The following EML6 variants were observed in gnomAD, a reference collection of about 807,000 sequenced individuals.
EML6 encodes echinoderm microtubule-associated protein-like 6.
EML6 carries 154 observed loss-of-function variants against 240.1 expected under a neutral mutation model. The observed-to-expected ratio is 0.64, with a 90% CI of 0.56 to 0.73. EML6 has a LOEUF of 0.73. Among genes scored for constraint, EML6 ranks in the 30% least tolerant of loss-of-function variants. The probability of loss-of-function intolerance (pLI) is 0.00; values close to 1 mark genes in which losing one functional copy is unlikely to be tolerated. For synonymous variants in EML6, 1,148 were observed against 899.0 expected, an observed-to-expected ratio of 1.28 and a Z score of -4.95; for missense variants, 2,964 against 2,474.6, an observed-to-expected ratio of 1.20 and a Z score of -4.20.
In EML6 at chr2:54,801,193, G is replaced by T. The variant is rs139121050; in HGVS notation, c.198-12039G>T. 2.0e-3 allele frequency among the ~76,000 whole-genome samples: 301 copies of T among 151,970 alleles called. 1 individual carries two copies. Among genetic ancestry groups the T allele is most frequent in the African/African-American group, 7.0e-3 (292 of 41,430 alleles). On this transcript the variant is annotated intron_variant, in intron 2 of 41. Coordinates refer to ENST00000356458, the MANE Select transcript of EML6 (RefSeq NM_001039753.4). ...AAATCAGCCGGGCATGGTGGTGGGC[G>T]CCTGTAGTCCCAGATCCTCGGGAGG...
At position 54,831,613 on chromosome 2, in the gene EML6, C is replaced by T. The variant is rs537612150; in HGVS notation, c.847+2136C>T. Reference sequence around the variant, plus strand: ...ACACTGGGAACCCGAAACAAGCCTGCACCTCATAGGATGTGCCTGCCCTGT... The same window carrying T: ...ACACTGGGAACCCGAAACAAGCCTGTACCTCATAGGATGTGCCTGCCCTGT... On this transcript the variant is annotated intron_variant, in intron 7 of 41. Transcript: ENST00000356458. Among the ~76,000 whole-genome samples the T allele has an allele frequency of 4.6e-5, 7 of 152,382 alleles. No individual in the cohort carries two copies. The East Asian group carries it at 1.3e-3, about 29-fold the overall frequency.
Position 54,948,943 on chromosome 2 carries a change from A to G in EML6, c.4066A>G (p.Lys1356Glu), listed in dbSNP as rs1370047639. 1 of 1,551,222 alleles carries G rather than the reference A, an allele frequency of 6.4e-7. No individual in the cohort carries two copies. The highest frequency in any genetic ancestry group is 2.0e-5 in the Admixed American group (1 of 51,012). ...EKLQKNNITKKKKLVEELALD... is the reference protein window; with the variant it reads ...EKLQKNNITKEKKLVEELALD... ...ACTGCAGAAGAACAATATCACCAAA[A>G]AAAAGAAACTGGTTGAGGTGAGTTA... The change falls in exon 29 of 42, where the codon AAA becomes GAA. Residue 1356 changes from lysine to glutamate, a missense_variant. Lys to Glu is a moderately conservative substitution (Grantham distance 56). Coordinates refer to ENST00000356458, the MANE Select transcript of EML6 (RefSeq NM_001039753.4).
chr2:54,779,507 T>C (rs1356789845), intron 2 of EML6, among the ~76,000 whole-genome samples: 43 of 137,058 alleles, frequency 3.1e-4, no homozygotes, highest in Non-Finnish European at 5.3e-4. Context: ...GATAGCACCA[T>C]TGCACTCCAG....
intron 28 of EML6, among the ~76,000 whole-genome samples, chr2:54,942,586 C>G (rs889436267): frequency 6.6e-6 from 1 of 152,124 alleles, no homozygotes. Flanking sequence ...ACTATGTTGG[C>G]GTGCTCTTTA....
chr2:54,778,492 G>T (rs1304813050), intron 2 of EML6, among the ~76,000 whole-genome samples: 1 of 152,120 alleles, frequency 6.6e-6, no homozygotes, highest in Non-Finnish European at 1.5e-5. Flanking sequence ...TACCATCATG[G>T]CCATTTTATC....
At chr2:54,964,303 C>G in intron 37 of EML6, 145 bp downstream of exon 37, 1 of 808,704 alleles carries the variant, frequency 1.2e-6, no homozygotes, top group Non-Finnish European at 1.9e-6. Flanking sequence ...ATACCTTCTC[C>G]CACTCTCACT....
Position 54,853,802 on chromosome 2 carries a change from C to G in EML6, c.1604C>G (p.Ser535Cys), listed in dbSNP as rs752764577. Reference protein sequence around the residue: ...DANYNSSVLVSGDDFGLVKLF... With the variant: ...DANYNSSVLVCGDDFGLVKLF... ...AATTACAACAGCTCAGTGCTGGTGT[C>G]TGGAGATGATTTTGGACTGGTTAAA... is the stretch of plus-strand genomic sequence containing the variant. The change falls in exon 11 of 42, where the codon TCT becomes TGT. Residue 535 changes from serine (S) to cysteine (C), a missense_variant. Transcript: ENST00000356458. 11 of 1,551,550 alleles carry G rather than the reference C, an allele frequency of 7.1e-6. No individual in the cohort carries two copies. Among genetic ancestry groups the G allele is most frequent in the Non-Finnish European group, 9.6e-6 (11 of 1,146,920 alleles).
chr2:54,729,878 C>G (rs1340289512), intron 2 of EML6, among the ~76,000 whole-genome samples: 1 of 152,192 alleles, frequency 6.6e-6, no homozygotes, highest in Admixed American at 6.5e-5. Flanking sequence ...CTCGGCCAGG[C>G]TAATCCCAGC....
chr2:54,804,767 T>C (rs950030743), intron 2 of EML6, among the ~76,000 whole-genome samples: 1 of 152,242 alleles, frequency 6.6e-6, no homozygotes, highest in Non-Finnish European at 1.5e-5. Flanking sequence ...GGAACACTTC[T>C]AATTTTCAGG....
chr2:54,923,049 C>G (rs1410190023), intron 26 of EML6, among the ~76,000 whole-genome samples: 1 of 146,178 alleles, frequency 6.8e-6, no homozygotes, highest in East Asian at 2.0e-4. Context: ...TCAACCGATT[C>G]TCCTGCCTCA....
At chr2:54,762,381 T>C (rs1668017038) in intron 2 of EML6, among the ~76,000 whole-genome samples, 1 of 152,206 alleles carries the variant, frequency 6.6e-6, no homozygotes, top group Non-Finnish European at 1.5e-5. Context: ...AATCTGATCA[T>C]GGTAAAATCG....
intron 2 of EML6, among the ~76,000 whole-genome samples, chr2:54,782,660 A>C (rs1572890438): frequency 7.5e-6 from 1 of 133,688 alleles, no homozygotes; most frequent in African/African-American, 2.8e-5. Context: ...TATTAGACCT[A>C]CTTGTATTTT....
chr2:54,934,306 C>A (rs1389148184), intron 28 of EML6, among the ~76,000 whole-genome samples: 2 of 152,150 alleles, frequency 1.3e-5, no homozygotes, highest in Non-Finnish European at 2.9e-5. Flanking sequence ...TTGTCATTCT[C>A]ATGGGAAAAT....
At chr2:54,892,161 C>A (rs990568933) in intron 18 of EML6, among the ~76,000 whole-genome samples, 1 of 152,156 alleles carries the variant, frequency 6.6e-6, no homozygotes, top group Non-Finnish European at 1.5e-5. Flanking sequence ...ATATTGATTG[C>A]TCTCTCCAGC....
rs1676572089 is a variant in EML6, at chr2:54,962,640, C to A, written c.5086C>A (p.His1696Asn). ...MEGEIWGLAT[H>N]PSKDLFISAS... The stretch of plus-strand genomic sequence containing the variant: ...AGGGGAGATCTGGGGCCTGGCCACT[C>A]ACCCTTCCAAGGACCTCTTCATCTC... Residue 1696 changes from histidine (H) to asparagine (N), a missense_variant, in exon 36 of 42, where the codon CAC (histidine) becomes AAC (asparagine). By Grantham distance (68) the His-to-Asn change is moderately conservative (BLOSUM62 1). Transcript: ENST00000356458. 3 of 1,543,296 alleles carry A rather than the reference C, an allele frequency of 1.9e-6. No homozygotes were observed. In the African/African-American group the frequency reaches 4.1e-5, roughly 21 times the overall value.
At chr2:54,924,699 T>C (rs966531412) in intron 26 of EML6, among the ~76,000 whole-genome samples, 9 of 152,164 alleles carry the variant, frequency 5.9e-5, no homozygotes, top group African/African-American at 2.2e-4. Flanking sequence ...ATAGCTGGGA[T>C]CACAGGTGCC....
rs559128826 is a variant in EML6, at chr2:54,725,309, A to C, written c.197+51A>C. ...GGAGGGGTTGCGTGTGGAGGCTGGG[A>C]AGGTGGGAAGCGGTTGACCTGGGGT... On this transcript the variant is annotated intron_variant, in intron 2 of 41. Transcript: ENST00000356458. This position sits in a 1 kb window ranked among gnomAD's most constrained non-coding sequence, Gnocchi z 4.3. 7.5e-7 allele frequency: 1 copy of C among 1,334,248 alleles called. No homozygotes were observed. Among genetic ancestry groups the C allele is most frequent in the Non-Finnish European group, 9.9e-7 (1 of 1,015,110 alleles). The allele number at this position is 1,334,248 out of a possible 1,614,324, so 82.7% of individuals were successfully genotyped here. A position where few individuals can be genotyped will look rare whatever the true frequency, so the allele number is the denominator to read the frequency against.
At chr2:54,804,006 G>A (rs1670328438) in intron 2 of EML6, among the ~76,000 whole-genome samples, 1 of 152,216 alleles carries the variant, frequency 6.6e-6, no homozygotes, top group African/African-American at 2.4e-5. Flanking sequence ...GGCTCAGTTG[G>A]TGTGGTGTAA....
intron 2 of EML6, among the ~76,000 whole-genome samples, chr2:54,731,230 G>C (rs1683152295): frequency 6.6e-6 from 1 of 152,184 alleles, no homozygotes; most frequent in African/African-American, 2.4e-5. Context: ...TTCTCATCCA[G>C]GTCATTAATG....
Sources: allele counts gnomAD v4.1 joint callset (sites outside exome capture counted in the v4.1 genomes callset), GRCh38; gene constraint gnomAD v4.1.1; non-coding constraint Gnocchi (gnomAD v3.1); transcripts MANE v1.5; gene names NCBI Gene and HGNC (gene_info 2026-07-23, HGNC 2026-07-21).